The following TBC1D1 variants were observed in gnomAD, a reference collection of about 807,000 sequenced individuals.
TBC1D1 encodes TBC1 domain family member 1.
In TBC1D1, 89 loss-of-function variants were observed where a neutral mutation model predicts 125.6. That is an observed-to-expected ratio of 0.71 (90% CI 0.60 to 0.85). The LOEUF (loss-of-function observed/expected upper bound fraction) is 0.85, where lower values mean the gene tolerates loss of function less well. Ranked by LOEUF, TBC1D1 falls within the 40% of genes least tolerant of loss-of-function variation. The pLI is 0.00. For synonymous variants in TBC1D1, 565 were observed against 564.1 expected, an observed-to-expected ratio of 1.00 and a Z score of -0.02; for missense variants, 1,377 against 1,469.2, an observed-to-expected ratio of 0.94 and a Z score of 1.03.
intron 13 of TBC1D1, among the ~76,000 whole-genome samples, chr4:38,095,199 A>G (rs910940099): frequency 6.6e-6 from 1 of 152,208 alleles, no homozygotes; most frequent in African/African-American, 2.4e-5. Flanking sequence ...CTAGTAAATA[A>G]CCAGCACCAA....
At chr4:38,129,280 G>T (rs1314404383) in intron 18 of TBC1D1, among the ~76,000 whole-genome samples, 1 of 152,156 alleles carries the variant, frequency 6.6e-6, no homozygotes, top group East Asian at 1.9e-4. Flanking sequence ...AGGGGCAAAG[G>T]TGCCTCTTCT....
intron 15 of TBC1D1, among the ~76,000 whole-genome samples, chr4:38,109,981 G>C (rs896776073): frequency 6.6e-6 from 1 of 152,230 alleles, no homozygotes; most frequent in Admixed American, 6.5e-5. Context: ...GTCGGTGTCA[G>C]ATTGCTGGTT....
At chr4:38,079,154 C>T (rs1226627036) in intron 12 of TBC1D1, among the ~76,000 whole-genome samples, 1 of 151,984 alleles carries the variant, frequency 6.6e-6, no homozygotes, top group Admixed American at 6.6e-5. Flanking sequence ...TCTGTAGATG[C>T]CTAAATGATG....
In TBC1D1 at chr4:38,014,490, C is replaced by T. The variant is rs760688962; in HGVS notation, c.418-19C>T. On this transcript the variant is annotated intron_variant, in intron 2 of 19. Coordinates refer to ENST00000261439, the MANE Select transcript of TBC1D1 (RefSeq NM_015173.4). The surrounding 1 kb of genome is among the most constrained non-coding windows in gnomAD (Gnocchi z 5.1). ...GCCACACTGCATGTTCCAAATAACACGCCTCTCTCTCTCCTCAGGTGCCTG... is the reference window on the plus strand; with the variant it reads ...GCCACACTGCATGTTCCAAATAACATGCCTCTCTCTCTCCTCAGGTGCCTG... The T allele has an allele frequency of 1.2e-6, 2 of 1,603,744 alleles. No homozygotes were observed. Among genetic ancestry groups the T allele is most frequent in the Non-Finnish European group, 1.7e-6 (2 of 1,172,114 alleles).
chr4:37,976,786 C>G (rs1330417448), intron 2 of TBC1D1, among the ~76,000 whole-genome samples: 1 of 152,224 alleles, frequency 6.6e-6, no homozygotes, highest in Non-Finnish European at 1.5e-5. Flanking sequence ...CAACATTTCT[C>G]AAGTTGCTAA....
chr4:37,937,606 T>TGAAACAATAAGAATTGTTTCATCAA (rs1300533024), intron 2 of TBC1D1, among the ~76,000 whole-genome samples: 11 of 152,250 alleles, frequency 7.2e-5, no homozygotes, highest in African/African-American at 1.9e-4. Flanking sequence ...GTGCAGTTTA[T>TGAAACAATAAGAATTGTTTCATCAA]GAAACAATAA....
At chr4:38,008,188 C>G (rs377163850) in intron 2 of TBC1D1, among the ~76,000 whole-genome samples, 111 of 152,306 alleles carry the variant, frequency 7.3e-4, no homozygotes, top group African/African-American at 1.9e-3. Context: ...TTATGCTGGC[C>G]ACCCAACATT....
At chr4:38,110,727 G>C (rs893750504) in intron 15 of TBC1D1, 32 of 985,308 alleles carry the variant, frequency 3.2e-5, no homozygotes, top group Middle Eastern at 5.2e-4. Flanking sequence ...GCACTTCTCT[G>C]CTTTGTGGTA....
intron 3 of TBC1D1, among the ~76,000 whole-genome samples, 188 bp downstream of exon 3, chr4:38,015,161 A>C (rs763785732): frequency 3.0e-4 from 46 of 152,332 alleles, no homozygotes; most frequent in Admixed American, 7.8e-4. Flanking sequence ...TACAGTCATC[A>C]GGGAGAAACA....
At chr4:38,066,654 C>T (rs1753780214) in intron 12 of TBC1D1, among the ~76,000 whole-genome samples, 1 of 151,922 alleles carries the variant, frequency 6.6e-6, no homozygotes, top group African/African-American at 2.4e-5. Context: ...AATGAAAGAG[C>T]AGACATCTCC....
At chr4:38,028,178 G>GT (rs1481503539) in intron 7 of TBC1D1, among the ~76,000 whole-genome samples, 1 of 151,948 alleles carries the variant, frequency 6.6e-6, no homozygotes, top group Non-Finnish European at 1.5e-5. Context: ...TTGTTTGTTT[G>GT]TTTTTTTGAC....
At chr4:38,061,859 A>G (rs983280998) in intron 12 of TBC1D1, among the ~76,000 whole-genome samples, 1 of 152,206 alleles carries the variant, frequency 6.6e-6, no homozygotes, top group African/African-American at 2.4e-5. Flanking sequence ...CATGATTTAC[A>G]TGTTTTACAT....
At chr4:38,109,732 C>T (rs557771964) in intron 15 of TBC1D1, among the ~76,000 whole-genome samples, 1 of 152,188 alleles carries the variant, frequency 6.6e-6, no homozygotes, top group African/African-American at 2.4e-5. Flanking sequence ...AGGATGATTC[C>T]CTGCACTCTG....
At chr4:37,949,282 A>G (rs970570527) in intron 2 of TBC1D1, among the ~76,000 whole-genome samples, 5 of 152,234 alleles carry the variant, frequency 3.3e-5, no homozygotes, top group African/African-American at 1.2e-4. Context: ...ACAGGTATCA[A>G]TGATAGTGCT....
intron 18 of TBC1D1, among the ~76,000 whole-genome samples, chr4:38,131,740 A>C (rs960458016): frequency 6.6e-6 from 1 of 152,238 alleles, no homozygotes; most frequent in African/African-American, 2.4e-5. Context: ...AAATGGAGAT[A>C]ATAATCCCTG....
At chr4:38,028,372 G>A (rs1745476578) in intron 7 of TBC1D1, among the ~76,000 whole-genome samples, 1 of 152,130 alleles carries the variant, frequency 6.6e-6, no homozygotes, top group Non-Finnish European at 1.5e-5. Flanking sequence ...CACCATGTTG[G>A]TCAGGCTGTT....
At position 38,118,095 on chromosome 4, in the gene TBC1D1, G is replaced by A; in HGVS notation, c.2865G>A (p.Leu955=). 1 of 1,614,204 alleles carries A rather than the reference G, an allele frequency of 6.2e-7. No individual in the cohort carries two copies. Reference sequence around the variant, plus strand: ...ACCACAGAGACCTCTACAATCACCTGGAGGAGCACGAGATCGGCCCCAGCC... The same window carrying A: ...ACCACAGAGACCTCTACAATCACCTAGAGGAGCACGAGATCGGCCCCAGCC... Residue 955 remains leucine, a synonymous_variant, in exon 17 of 20, where the codon CTG becomes CTA. Coordinates refer to ENST00000261439, the MANE Select transcript of TBC1D1 (RefSeq NM_015173.4).
Position 38,014,665 on chromosome 4 carries a change from C to T in TBC1D1, c.574C>T (p.Leu192=), listed in dbSNP as rs1282259663. The T allele has an allele frequency of 6.2e-7, 1 of 1,613,254 alleles. No individual in the cohort carries two copies. Among genetic ancestry groups the T allele is most frequent in the South Asian group, 1.1e-5 (1 of 91,090 alleles). The change falls in exon 3 of 20, where the codon CTG becomes TTG. Residue 192 remains leucine (L), a synonymous_variant. Transcript: ENST00000261439. The surrounding 1 kb of genome is among the most constrained non-coding windows in gnomAD (Gnocchi z 5.1). ...GGCGCACAAGAAGGCTCCGCCGGCC[C>T]TGATCGACGAGTGCATCGAGAAGTT...
intron 6 of TBC1D1, among the ~76,000 whole-genome samples, chr4:38,025,368 G>T (rs759123823): frequency 4.6e-5 from 7 of 152,234 alleles, no homozygotes; most frequent in African/African-American, 1.4e-4. Context: ...GGTGCTTTCA[G>T]TGGGTGTACA....
Sources: allele counts gnomAD v4.1 joint callset (sites outside exome capture counted in the v4.1 genomes callset), GRCh38; gene constraint gnomAD v4.1.1; non-coding constraint Gnocchi (gnomAD v3.1); transcripts MANE v1.5; gene names NCBI Gene and HGNC (gene_info 2026-07-23, HGNC 2026-07-21).